Variants in LRBA observed in about 807,000 individuals in gnomAD.
The protein encoded by LRBA is lipopolysaccharide-responsive and beige-like anchor protein.
Under a neutral mutation model 330.0 loss-of-function variants are expected in LRBA, and 176 were observed. That is an observed-to-expected ratio of 0.53 (90% CI 0.47 to 0.60). LRBA has a LOEUF of 0.60. Ranked by LOEUF, LRBA falls within the 20% of genes least tolerant of loss-of-function variation. The probability of loss-of-function intolerance (pLI) is 0.00; values close to 1 mark genes in which losing one functional copy is unlikely to be tolerated. For synonymous variants in LRBA, 1,230 were observed against 1,193.0 expected (o/e 1.03, Z -0.64); for missense variants, 3,259 against 3,444.8 (o/e 0.95, Z 1.35).
chr4:150,594,045 T>C (rs1773201227), intron 38 of LRBA, among the ~76,000 whole-genome samples: 1 of 152,138 alleles, frequency 6.6e-6, no homozygotes, highest in African/African-American at 2.4e-5. Flanking sequence ...ATACTATAGG[T>C]GTACTGTATG....
At chr4:150,555,480 T>A (rs1210841241) in intron 40 of LRBA, among the ~76,000 whole-genome samples, 8 of 152,092 alleles carry the variant, frequency 5.3e-5, no homozygotes, top group African/African-American at 1.7e-4. Context: ...CAGAATTGGC[T>A]GGGTGCACGC....
intron 47 of LRBA, among the ~76,000 whole-genome samples, chr4:150,411,307 G>A (rs765189349): frequency 6.6e-6 from 1 of 152,132 alleles, no homozygotes; most frequent in Non-Finnish European, 1.5e-5. Flanking sequence ...GTCGTTGGGT[G>A]AGACAGTAGT....
chr4:150,407,347 A>T (rs1746344910), intron 47 of LRBA, among the ~76,000 whole-genome samples: 2 of 152,226 alleles, frequency 1.3e-5, no homozygotes. Context: ...GCTATAGGAA[A>T]CTAACATATA....
chr4:150,583,088 G>C lies in LRBA; in HGVS notation c.6330+4960C>G, dbSNP rs1335713288. ...CTCAATAAGTACTACACTGAGCGCT[G>C]TCAGGCGCGCAAGGCGGCCATCGCC... On this transcript the variant is annotated intron_variant, in intron 40 of 56. Transcript: ENST00000651943. This position sits in a 1 kb window ranked among gnomAD's most constrained non-coding sequence, Gnocchi z 9.8. 1.2e-6 allele frequency: 2 copies of C among 1,613,990 alleles called. No homozygotes were observed. The highest frequency in any genetic ancestry group is 1.3e-5 in the African/African-American group (1 of 74,960).
chr4:150,543,286 G>A (rs1285021348), intron 40 of LRBA, among the ~76,000 whole-genome samples: 1 of 152,144 alleles, frequency 6.6e-6, no homozygotes, highest in African/African-American at 2.4e-5. Flanking sequence ...GAGGGAGCTT[G>A]CACTAGGGAA....
At chr4:150,911,581 T>C (rs1731996191) in intron 9 of LRBA, among the ~76,000 whole-genome samples, 1 of 152,238 alleles carries the variant, frequency 6.6e-6, no homozygotes, top group African/African-American at 2.4e-5. Context: ...TAATGTGCTG[T>C]TAAATTCAAT....
chr4:150,944,587 T>C (rs947822761), intron 2 of LRBA, among the ~76,000 whole-genome samples: 1 of 151,856 alleles, frequency 6.6e-6, no homozygotes, highest in East Asian at 1.9e-4. Context: ...AAAAAAATAG[T>C]TCATATGGCA....
intron 37 of LRBA, among the ~76,000 whole-genome samples, chr4:150,673,652 GA>G (rs767332040): frequency 6.6e-6 from 1 of 152,096 alleles, no homozygotes; most frequent in Non-Finnish European, 1.5e-5. Flanking sequence ...TGAATCAAAT[GA>G]GAGTTAGTTA....
At chr4:150,266,928 A>AAAT (rs1745422923) in intron 56 of LRBA, among the ~76,000 whole-genome samples, 1 of 152,128 alleles carries the variant, frequency 6.6e-6, no homozygotes, top group Non-Finnish European at 1.5e-5. Context: ...ATATCAGACA[A>AAAT]AATAGTCTTT....
At chr4:150,931,823 C>G (rs879624573) in intron 2 of LRBA, among the ~76,000 whole-genome samples, 8 of 151,850 alleles carry the variant, frequency 5.3e-5, no homozygotes, top group Non-Finnish European at 1.0e-4. Flanking sequence ...AATCATCAAT[C>G]AATCCCTCAT....
intron 36 of LRBA, among the ~76,000 whole-genome samples, chr4:150,725,153 A>G (rs1475935787): frequency 6.6e-6 from 1 of 152,036 alleles, no homozygotes; most frequent in Non-Finnish European, 1.5e-5. Context: ...ATAGCTTTAA[A>G]GAAGAGGTAG....
chr4:150,989,847 T>C (rs1000053174), intron 2 of LRBA, among the ~76,000 whole-genome samples: 1 of 151,790 alleles, frequency 6.6e-6, no homozygotes, highest in African/African-American at 2.4e-5. Context: ...AAGCCAGGCA[T>C]GCATGGTGGC....
rs1736926933 is a variant in LRBA, at chr4:150,350,046, C to T, written c.7308G>A (p.Leu2436=). ...AVRALNVFYY[L]TYEGAVNLNS... ...TCAGATTGACAGCTCCTTCATAGGT[C>T]AAGTAATAGAACACATTGAGGGCTC... is the stretch of plus-strand genomic sequence containing the variant. Residue 2436 remains leucine, a synonymous_variant, in exon 48 of 57, where the codon TTG becomes TTA. Transcript: ENST00000651943. 6.2e-7 allele frequency: 1 copy of T among 1,613,818 alleles called. No individual in the cohort carries two copies. The highest frequency in any genetic ancestry group is 1.3e-5 in the African/African-American group (1 of 74,968).
intron 40 of LRBA, among the ~76,000 whole-genome samples, chr4:150,558,488 C>A (rs546675523): frequency 1.3e-5 from 2 of 152,242 alleles, no homozygotes; most frequent in African/African-American, 4.8e-5. Flanking sequence ...TCTTGTGTCC[C>A]TTTGACCTAA....
intron 46 of LRBA, among the ~76,000 whole-genome samples, chr4:150,429,677 T>G (rs1206722420): frequency 6.6e-6 from 1 of 152,118 alleles, no homozygotes; most frequent in East Asian, 1.9e-4. Context: ...TAGACTCTCC[T>G]GCATCCCTTA....
intron 41 of LRBA, among the ~76,000 whole-genome samples, chr4:150,490,697 T>G (rs1006282232): frequency 1.3e-5 from 2 of 151,800 alleles, no homozygotes; most frequent in Non-Finnish European, 2.9e-5. Context: ...TTATATCAAT[T>G]TGTGATATGG....
At chr4:150,535,722 T>C (rs1286301099) in intron 40 of LRBA, among the ~76,000 whole-genome samples, 2 of 152,194 alleles carry the variant, frequency 1.3e-5, no homozygotes, top group Non-Finnish European at 2.9e-5. Context: ...TTCTACATTT[T>C]CCTATGTTGT....
intron 30 of LRBA, 83 bp from the exon 31 acceptor site, chr4:150,817,340 T>C: frequency 8.1e-7 from 1 of 1,233,570 alleles, no homozygotes; most frequent in South Asian, 1.3e-5. Context: ...AGAAACTAGG[T>C]AGCTAACTTA....
At chr4:150,542,360 T>A (rs1012744603) in intron 40 of LRBA, among the ~76,000 whole-genome samples, 2 of 152,232 alleles carry the variant, frequency 1.3e-5, no homozygotes, top group Non-Finnish European at 2.9e-5. Context: ...TTGTAAGAAT[T>A]AAATGAGTTA....
Sources: allele counts gnomAD v4.1 joint callset (sites outside exome capture counted in the v4.1 genomes callset), GRCh38; gene constraint gnomAD v4.1.1; non-coding constraint Gnocchi (gnomAD v3.1); transcripts MANE v1.5; gene names NCBI Gene and HGNC (gene_info 2026-07-23, HGNC 2026-07-21).